CRYBB1: variants seen among roughly 807,000 people sequenced by gnomAD.
CRYBB1 encodes crystallin beta B1.
A neutral mutation model predicts 29.5 loss-of-function variants in CRYBB1; 16 were observed. The ratio of observed to expected loss-of-function variants is 0.54; its 90% CI spans 0.37 to 0.82. CRYBB1 has a LOEUF of 0.82. CRYBB1 is among the 40% of genes least tolerant of loss of function. The pLI is 0.00. For missense variants in CRYBB1, 300 were observed against 350.5 expected (o/e 0.86, Z 1.15); for synonymous variants, 127 against 136.7 (o/e 0.93, Z 0.49).
At chr22:26,610,069 T>C (rs537205430) in intron 3 of CRYBB1, among the ~76,000 whole-genome samples, 1 of 152,030 alleles carries the variant, frequency 6.6e-6, no homozygotes, top group South Asian at 2.1e-4. Flanking sequence ...CCCCCTAAAA[T>C]CTCCCCTATC....
At chr22:26,607,791 C>T (rs988629907) in intron 4 of CRYBB1, 98 bp downstream of exon 4, 48 of 1,559,446 alleles carry the variant, frequency 3.1e-5, no homozygotes, top group African/African-American at 4.1e-5. Flanking sequence ...CGCCTCCCTA[C>T]CCACCATCAT....
chr22:26,612,585 T>G (rs1029070278), intron 2 of CRYBB1, among the ~76,000 whole-genome samples: 1 of 152,230 alleles, frequency 6.6e-6, no homozygotes, highest in African/African-American at 2.4e-5. Context: ...ATTCCTGAGC[T>G]CAAATGATTG....
chr22:26,612,701 T>C (rs945312113), intron 2 of CRYBB1, among the ~76,000 whole-genome samples: 3 of 152,238 alleles, frequency 2.0e-5, no homozygotes, highest in African/African-American at 4.8e-5. Flanking sequence ...TAGGAACTTA[T>C]GAACCTCCCT....
intron 3 of CRYBB1, among the ~76,000 whole-genome samples, chr22:26,609,586 G>A (rs1301342751): frequency 1.3e-5 from 2 of 152,170 alleles, no homozygotes; most frequent in Non-Finnish European, 2.9e-5. Flanking sequence ...GGGTGATGGA[G>A]AACACATGGT....
At chr22:26,604,789 C>A (rs1168520990) in intron 4 of CRYBB1, among the ~76,000 whole-genome samples, 1 of 152,208 alleles carries the variant, frequency 6.6e-6, no homozygotes, top group Non-Finnish European at 1.5e-5. Context: ...GTGCAATTAC[C>A]AGCCAGTGGT....
intron 4 of CRYBB1, among the ~76,000 whole-genome samples, chr22:26,603,744 AAATACAAAATAATAAT>A (rs1928893609): frequency 8.1e-6 from 1 of 122,804 alleles, no homozygotes; most frequent in Non-Finnish European, 1.7e-5. Context: ...TCTCTACTAA[AAATACAAAATAATAAT>A]AATAATAATA....
intron 2 of CRYBB1, among the ~76,000 whole-genome samples, chr22:26,612,461 C>T (rs560556104): frequency 1.3e-5 from 2 of 152,322 alleles, no homozygotes; most frequent in East Asian, 3.9e-4. Context: ...CTCCCAGGCT[C>T]AAGCGATCCT....
At chr22:26,605,611 T>TTGCAGTGAG (rs1928951054) in intron 4 of CRYBB1, among the ~76,000 whole-genome samples, 3 of 146,808 alleles carry the variant, frequency 2.0e-5, no homozygotes, top group African/African-American at 7.5e-5. Flanking sequence ...GAGGTGAAGG[T>TTGCAGTGAG]TGCAGTGAGC....
intron 2 of CRYBB1, among the ~76,000 whole-genome samples, chr22:26,613,825 G>T (rs1243575508): frequency 6.6e-6 from 1 of 152,184 alleles, no homozygotes; most frequent in Non-Finnish European, 1.5e-5. Flanking sequence ...GCAGAACAGA[G>T]CCATATTTCT....
intron 4 of CRYBB1, among the ~76,000 whole-genome samples, chr22:26,604,256 C>G (rs1401535045): frequency 6.6e-6 from 1 of 152,252 alleles, no homozygotes; most frequent in Admixed American, 6.5e-5. Context: ...ACTTCTGAGT[C>G]TCAGTTTCCT....
chr22:26,612,219 G>A (rs1224405187), intron 2 of CRYBB1, 29 bp from the exon 3 acceptor site: 1 of 1,478,674 alleles, frequency 6.8e-7, no homozygotes, highest in South Asian at 1.1e-5. Context: ...CATGCCAAGG[G>A]CAGAGTGAGG....
intron 2 of CRYBB1, among the ~76,000 whole-genome samples, chr22:26,612,918 C>A (rs560270838): frequency 6.6e-6 from 1 of 152,284 alleles, no homozygotes; most frequent in South Asian, 2.1e-4. Context: ...CCCCCACTGT[C>A]CTCTCCCCAT....
intron 3 of CRYBB1, 133 bp from the exon 4 acceptor site, chr22:26,608,154 A>G (rs1929045014): frequency 3.8e-6 from 5 of 1,322,580 alleles, no homozygotes; most frequent in South Asian, 3.7e-5. Flanking sequence ...GGGGCTGAAC[A>G]TGTCTGGGTT....
At chr22:26,615,371 C>CT (rs67611588) in intron 2 of CRYBB1, among the ~76,000 whole-genome samples, 4 of 151,594 alleles carry the variant, frequency 2.6e-5, no homozygotes, top group Non-Finnish European at 2.9e-5. Flanking sequence ...TCCTTTTCTT[C>CT]TTTTTTTTTC....
At chr22:26,599,727 ACCCAGACCC>A in intron 5 of CRYBB1, 54 bp from the exon 6 acceptor site, 1 of 1,447,266 alleles carries the variant, frequency 6.9e-7, no homozygotes, top group Non-Finnish European at 9.7e-7. Flanking sequence ...GTTGCCTGGC[ACCCAGACCC>A]CTGCCAGACC....
At chr22:26,611,036 G>A (rs1929141053) in intron 3 of CRYBB1, among the ~76,000 whole-genome samples, 1 of 152,110 alleles carries the variant, frequency 6.6e-6, no homozygotes, top group South Asian at 2.1e-4. Context: ...TGGACATAGG[G>A]CAACCACTCT....
intron 2 of CRYBB1, among the ~76,000 whole-genome samples, chr22:26,613,994 C>T (rs1929262817): frequency 2.0e-5 from 3 of 152,170 alleles, no homozygotes; most frequent in Admixed American, 1.3e-4. Context: ...GAGATAGACT[C>T]CAGTCTCCCA....
In CRYBB1 at chr22:26,616,340, T is replaced by C. The variant is rs1929355270; in HGVS notation, c.-19-2A>G. ...GACATGGTTCCCGCCTGCAAAAGTC[T>C]GTAAAGAAACTCTGGCCTTCAGGGA... On this transcript the variant is annotated splice_acceptor_variant, in intron 1 of 5. Coordinates refer to ENST00000647684, the MANE Select transcript of CRYBB1 (RefSeq NM_001887.4). LOFTEE classifies it low-confidence loss of function (5UTR_SPLICE). 6.2e-7 allele frequency: 1 copy of C among 1,608,954 alleles called. No homozygotes were observed. The highest frequency in any genetic ancestry group is 1.1e-5 in the South Asian group (1 of 91,008).
At chr22:26,607,148 T>C (rs1311417355) in intron 4 of CRYBB1, among the ~76,000 whole-genome samples, 1 of 151,322 alleles carries the variant, frequency 6.6e-6, no homozygotes, top group African/African-American at 2.4e-5. Flanking sequence ...TCAGCCTTGC[T>C]AGTAGCTGGG....
Sources: allele counts gnomAD v4.1 joint callset (sites outside exome capture counted in the v4.1 genomes callset), GRCh38; gene constraint gnomAD v4.1.1; transcripts MANE v1.5; gene names NCBI Gene and HGNC (gene_info 2026-07-23, HGNC 2026-07-21).